The following VPS35L variants were observed in gnomAD, a reference collection of about 807,000 sequenced individuals.
VPS35L encodes VPS35 endosomal protein sorting factor like, also known as VPS35 endosomal protein-sorting factor-like.
A neutral mutation model predicts 133.0 loss-of-function variants in VPS35L; 83 were observed. That is an observed-to-expected ratio of 0.62 (90% CI 0.52 to 0.75). The LOEUF (loss-of-function observed/expected upper bound fraction) is 0.75, where lower values mean the gene tolerates loss of function less well. VPS35L is among the 30% of genes least tolerant of loss of function. VPS35L has a pLI of 0.00. For synonymous variants in VPS35L, 423 were observed against 449.9 expected, an observed-to-expected ratio of 0.94 and a Z score of 0.76; for missense variants, 1,083 against 1,206.8, an observed-to-expected ratio of 0.90 and a Z score of 1.52.
intron 15 of VPS35L, 65 bp from the exon 16 acceptor site, chr16:19,627,629 T>C: frequency 7.9e-7 from 1 of 1,261,188 alleles, no homozygotes; most frequent in South Asian, 1.2e-5. Context: ...GCAATATATA[T>C]TCAAAAATTA....
intron 26 of VPS35L, among the ~76,000 whole-genome samples, chr16:19,658,781 C>T (rs1974388973): frequency 6.6e-6 from 1 of 151,790 alleles, no homozygotes; most frequent in Non-Finnish European, 1.5e-5. Context: ...TAGGTTGAGG[C>T]CTGGAGGCTG....
At chr16:19,689,301 C>T (rs528134066) in intron 28 of VPS35L, among the ~76,000 whole-genome samples, 11 of 150,182 alleles carry the variant, frequency 7.3e-5, no homozygotes, top group East Asian at 2.0e-4. Context: ...GACAGAGTCT[C>T]GCTCAGTCAC....
intron 26 of VPS35L, among the ~76,000 whole-genome samples, chr16:19,662,476 A>G (rs1974519726): frequency 6.6e-6 from 1 of 152,226 alleles, no homozygotes; most frequent in African/African-American, 2.4e-5. Context: ...TGACTACAGC[A>G]TTGGCCTCCA....
Position 19,633,197 on chromosome 16 carries a change from CA to C in VPS35L, c.1635+27del. Reference sequence around the variant, plus strand: ...GGTAACAGATTTGCATTTCTCATTTCAACATTGTTAGGAATTTTGTTCTGTT... The same window carrying C: ...GGTAACAGATTTGCATTTCTCATTTCACATTGTTAGGAATTTTGTTCTGTT... On this transcript the variant is annotated intron_variant, in intron 19 of 30. Transcript: ENST00000417362. This position sits in a 1 kb window ranked among gnomAD's most constrained non-coding sequence, Gnocchi z 4.1. 6.2e-7 allele frequency: 1 copy of C among 1,604,254 alleles called. No homozygotes were observed. Among genetic ancestry groups the C allele is most frequent in the Non-Finnish European group, 8.5e-7 (1 of 1,170,990 alleles).
At chr16:19,642,320 T>G (rs1973811515) in intron 21 of VPS35L, 76 bp from the exon 22 acceptor site, 2 of 1,294,094 alleles carry the variant, frequency 1.5e-6, no homozygotes, top group South Asian at 2.5e-5. Context: ...GTGTGTACAG[T>G]GGATGAAAAC....
intron 7 of VPS35L, among the ~76,000 whole-genome samples, chr16:19,591,463 T>G (rs943859933): frequency 6.6e-6 from 1 of 151,900 alleles, no homozygotes; most frequent in African/African-American, 2.4e-5. Flanking sequence ...CGCCTGTAAT[T>G]CCAGCACTTT....
intron 27 of VPS35L, among the ~76,000 whole-genome samples, chr16:19,681,725 C>A (rs903509214): frequency 6.6e-6 from 1 of 152,118 alleles, no homozygotes; most frequent in Non-Finnish European, 1.5e-5. Context: ...TGGCTGTTAC[C>A]GTTGTTGAGC....
chr16:19,691,575 A>C (rs1975688778), intron 29 of VPS35L, 104 bp downstream of exon 29: 8 of 856,102 alleles, frequency 9.3e-6, no homozygotes. Flanking sequence ...ATGTCATGTG[A>C]GTAATGTGTT....
intron 26 of VPS35L, among the ~76,000 whole-genome samples, chr16:19,656,971 T>G (rs911156508): frequency 1.3e-4 from 20 of 148,324 alleles, no homozygotes; most frequent in African/African-American, 5.0e-4. Flanking sequence ...TGTTTTTTTT[T>G]TTTTTTTTTT....
chr16:19,616,178 T>G lies in VPS35L; in HGVS notation c.1088T>G (p.Leu363Arg), dbSNP rs766990627. 3 of 1,611,670 alleles carry G rather than the reference T, an allele frequency of 1.9e-6. No individual in the cohort carries two copies. Among genetic ancestry groups the G allele is most frequent in the Non-Finnish European group, 2.5e-6 (3 of 1,178,002 alleles). The change falls in exon 13 of 31, where the codon CTT becomes CGT. Residue 363 changes from leucine (L) to arginine (R), a missense_variant. Leu to Arg is a moderately radical substitution (Grantham distance 102). Transcript: ENST00000417362. ...AATAAGAACTTTTTTGACTTCCTCC[T>G]TACGTTCAAACAGGTAAGAGAACAC... is the stretch of plus-strand genomic sequence containing the variant. ...TLNKNFFDFL[L>R]TFKQIHGDTV...
intron 27 of VPS35L, among the ~76,000 whole-genome samples, chr16:19,670,577 A>G (rs908623887): frequency 3.5e-4 from 53 of 152,252 alleles, no homozygotes; most frequent in African/African-American, 1.3e-3. Context: ...GGTGGCGACA[A>G]AGTTCTTTTG....
intron 26 of VPS35L, among the ~76,000 whole-genome samples, chr16:19,661,098 C>A (rs1435312476): frequency 6.6e-6 from 1 of 151,130 alleles, no homozygotes; most frequent in Non-Finnish European, 1.5e-5. Context: ...AGTTCTCTTT[C>A]CCCCTTAGCA....
chr16:19,568,849 T>C (rs1336309772), intron 2 of VPS35L, among the ~76,000 whole-genome samples: 2 of 152,202 alleles, frequency 1.3e-5, no homozygotes, highest in Non-Finnish European at 2.9e-5. Context: ...CTTCACCATG[T>C]TGCCCAGGCT....
chr16:19,677,548 T>C (rs926824335), intron 27 of VPS35L, among the ~76,000 whole-genome samples: 1 of 152,254 alleles, frequency 6.6e-6, no homozygotes, highest in African/African-American at 2.4e-5. Flanking sequence ...GAGGGCATTC[T>C]GGGCCGAGGA....
chr16:19,696,147 G>A (rs1975902872), intron 29 of VPS35L, among the ~76,000 whole-genome samples: 3 of 152,160 alleles, frequency 2.0e-5, no homozygotes, highest in African/African-American at 7.2e-5. Flanking sequence ...GCTTCCCAAA[G>A]TACTGGGATT....
intron 28 of VPS35L, among the ~76,000 whole-genome samples, chr16:19,689,136 G>A (rs556919145): frequency 3.3e-5 from 5 of 149,424 alleles, no homozygotes; most frequent in South Asian, 2.1e-4. Context: ...GTGCCACCAC[G>A]CCCAGCTAAT....
At chr16:19,648,658 A>G (rs1193385182) in intron 24 of VPS35L, among the ~76,000 whole-genome samples, 3 of 152,120 alleles carry the variant, frequency 2.0e-5, no homozygotes, top group East Asian at 1.9e-4. Context: ...ACTTGAGGTC[A>G]GGAGTTTGAG....
chr16:19,666,786 C>T (rs1465211678), intron 26 of VPS35L, among the ~76,000 whole-genome samples: 1 of 152,150 alleles, frequency 6.6e-6, no homozygotes, highest in African/African-American at 2.4e-5. Context: ...ACTTACTTCA[C>T]TGTGGGACTG....
intron 24 of VPS35L, 103 bp downstream of exon 24, chr16:19,647,985 ACT>A: frequency 9.2e-7 from 1 of 1,090,190 alleles, no homozygotes; most frequent in Non-Finnish European, 1.4e-6. Context: ...ACAGGGTCTC[ACT>A]CTGTCACCCA....
Sources: allele counts gnomAD v4.1 joint callset (sites outside exome capture counted in the v4.1 genomes callset), GRCh38; gene constraint gnomAD v4.1.1; non-coding constraint Gnocchi (gnomAD v3.1); transcripts MANE v1.5; gene names NCBI Gene and HGNC (gene_info 2026-07-23, HGNC 2026-07-21).